The following SP140 variants were observed in gnomAD, a reference collection of about 807,000 sequenced individuals.
SP140 encodes the protein nuclear body protein SP140.
A neutral mutation model predicts 125.0 loss-of-function variants in SP140; 81 were observed. The ratio of observed to expected loss-of-function variants is 0.65; its 90% CI spans 0.54 to 0.78. SP140 has a LOEUF of 0.78. Among genes scored for constraint, SP140 ranks in the 30% least tolerant of loss-of-function variants. SP140 has a pLI of 0.00. For synonymous variants in SP140, 312 were observed against 354.0 expected (o/e 0.88, Z 1.33); for missense variants, 858 against 1,037.0 (o/e 0.83, Z 2.37).
intron 12 of SP140, among the ~76,000 whole-genome samples, chr2:230,268,780 C>A (rs1015549584): frequency 2.0e-5 from 3 of 152,150 alleles, no homozygotes; most frequent in Non-Finnish European, 4.4e-5. Flanking sequence ...ATGACCTGAG[C>A]TGGACACAGT....
intron 12 of SP140, among the ~76,000 whole-genome samples, chr2:230,261,580 G>C (rs536233811): frequency 1.6e-3 from 248 of 152,216 alleles, no homozygotes; most frequent in Non-Finnish European, 3.2e-3. Context: ...TATTATGTTG[G>C]CTATGGGTTT....
intron 7 of SP140, 41 bp downstream of exon 7, chr2:230,245,981 A>C: frequency 8.5e-7 from 1 of 1,182,860 alleles, no homozygotes; most frequent in East Asian, 2.3e-5. Context: ...TTCTGTCAAC[A>C]TACAAAAACA....
At chr2:230,238,590 T>G in intron 3 of SP140, 1 of 745,848 alleles carries the variant, frequency 1.3e-6, no homozygotes, top group South Asian at 1.9e-5. Flanking sequence ...AACCAAGTAA[T>G]CCTGCAAATG....
At position 230,216,878 on chromosome 2, in the gene SP140, A is replaced by G. The variant is rs899451835; in HGVS notation, c.-91+2804A>G. ...ATAGGCGATCCCCAGCTTCTGGTGC[A>G]TGAAGTGCTGAAAAAGAGCCTCTTC... On this transcript the variant is annotated intron_variant, in intron 3 of 4. Coordinates refer to the SP140 transcript ENST00000456542. The G allele has an allele frequency of 1.2e-6, 2 of 1,614,066 alleles. No individual in the cohort carries two copies. The highest frequency in any genetic ancestry group is 1.7e-6 in the Non-Finnish European group (2 of 1,179,964).
At chr2:230,247,555 C>A (rs527517267) in intron 7 of SP140, among the ~76,000 whole-genome samples, 3 of 152,192 alleles carry the variant, frequency 2.0e-5, no homozygotes, top group Non-Finnish European at 4.4e-5. Context: ...TTCCTCTGAT[C>A]TTGTACCTCT....
chr2:230,215,807 C>T (rs978085323), intron 3 of SP140, among the ~76,000 whole-genome samples: 48 of 152,310 alleles, frequency 3.2e-4, no homozygotes, highest in Admixed American at 5.2e-4. Context: ...CATTAATAAA[C>T]ACAAATAAAT....
At chr2:230,252,537 G>C (rs1269171488) in intron 10 of SP140, among the ~76,000 whole-genome samples, 1 of 152,044 alleles carries the variant, frequency 6.6e-6, no homozygotes, top group Non-Finnish European at 1.5e-5. Flanking sequence ...AAGAAGCAGA[G>C]ACATGTGTCA....
chr2:230,192,561 G>T, the SP140 span, among the ~76,000 whole-genome samples: 1 of 152,114 alleles, frequency 6.6e-6, no homozygotes, highest in East Asian at 1.9e-4. Context: ...AAAATACCTA[G>T]GAATACAGCT....
intron 21 of SP140, among the ~76,000 whole-genome samples, 177 bp from the exon 22 acceptor site, chr2:230,297,244 T>G (rs1412579297): frequency 1.3e-5 from 2 of 152,252 alleles, no homozygotes; most frequent in Non-Finnish European, 2.9e-5. Flanking sequence ...TTCAGTTTGC[T>G]TACTTAGAAA....
chr2:230,199,948 G>T (rs1013994341), upstream of SP140, among the ~76,000 whole-genome samples: 1 of 152,050 alleles, frequency 6.6e-6, no homozygotes, highest in African/African-American at 2.4e-5. Flanking sequence ...TTACCCAGGG[G>T]ATCCTGAAAA....
At position 230,255,445 on chromosome 2, in the gene SP140, T is replaced by G. The variant is rs1208268503; in HGVS notation, c.1160-7T>G. On this transcript the variant is annotated splice_region_variant and splice_polypyrimidine_tract_variant and intron_variant, in intron 11 of 26. Transcript: ENST00000392045. ...AGACCTCTGAGGGATTTCCTTCCTTTCTGCAGAGGGCAGTGATGACTGTTC... is the reference window on the plus strand; with the variant it reads ...AGACCTCTGAGGGATTTCCTTCCTTGCTGCAGAGGGCAGTGATGACTGTTC... 5.0e-6 allele frequency: 8 copies of G among 1,613,842 alleles called. No individual in the cohort carries two copies. In the Admixed American group the frequency reaches 1.3e-4, roughly 27 times the overall value.
chr2:230,215,151 A>T, intron 3 of SP140: 7 of 1,547,250 alleles, frequency 4.5e-6, no homozygotes, highest in Non-Finnish European at 6.2e-6. Context: ...TTTATAAATG[A>T]CTATAAAATT....
intron 3 of SP140, chr2:230,216,911 CTT>C: frequency 6.2e-7 from 1 of 1,613,692 alleles, no homozygotes; most frequent in Non-Finnish European, 8.5e-7. Flanking sequence ...TTCCATGGCT[CTT>C]GTCATGGTGA....
chr2:230,206,892 A>G (rs1025244466), intron 1 of SP140, among the ~76,000 whole-genome samples: 2 of 151,994 alleles, frequency 1.3e-5, no homozygotes, highest in African/African-American at 4.8e-5. Context: ...ATCTCCTGAG[A>G]TGGCCAAATG....
At chr2:230,303,165 A>G (rs1403545654) in intron 22 of SP140, among the ~76,000 whole-genome samples, 3 of 152,204 alleles carry the variant, frequency 2.0e-5, no homozygotes, top group Non-Finnish European at 4.4e-5. Flanking sequence ...TATTAGCAAG[A>G]TTAACCAAGA....
At chr2:230,277,861 C>T (rs1260974752) in intron 15 of SP140, among the ~76,000 whole-genome samples, 1 of 152,002 alleles carries the variant, frequency 6.6e-6, no homozygotes, top group Non-Finnish European at 1.5e-5. Context: ...TGTCTTATCA[C>T]ATTTCTTTAT....
chr2:230,249,502 T>A, intron 9 of SP140, among the ~76,000 whole-genome samples: 1 of 151,886 alleles, frequency 6.6e-6, no homozygotes. Context: ...ACTTTGAGAA[T>A]GAGGAAAATA....
intron 3 of SP140, chr2:230,215,091 T>A: frequency 1.9e-6 from 3 of 1,613,934 alleles, no homozygotes; most frequent in South Asian, 1.1e-5. Context: ...GATACAGGGA[T>A]CAAATTTCTA....
At chr2:230,253,113 C>T (rs542572472) in intron 10 of SP140, among the ~76,000 whole-genome samples, 6 of 152,192 alleles carry the variant, frequency 3.9e-5, no homozygotes, top group African/African-American at 9.6e-5. Flanking sequence ...ATCAGACAAT[C>T]CAAGCGCTGC....
Sources: allele counts gnomAD v4.1 joint callset (sites outside exome capture counted in the v4.1 genomes callset), GRCh38; gene constraint gnomAD v4.1.1; transcripts MANE v1.5; gene names NCBI Gene and HGNC (gene_info 2026-07-23, HGNC 2026-07-21).